KAT7: variants seen among roughly 807,000 people sequenced by gnomAD.
The protein encoded by KAT7 is lysine acetyltransferase 7, also known as histone acetyltransferase KAT7.
In KAT7, 10 loss-of-function variants were observed where a neutral mutation model predicts 82.1. The observed-to-expected ratio is 0.12, with a 90% confidence interval of 0.08 to 0.21. The LOEUF (loss-of-function observed/expected upper bound fraction) is 0.21, where lower values mean the gene tolerates loss of function less well. KAT7 is among the 10% of genes least tolerant of loss of function. KAT7 has a pLI of 1.00. For synonymous variants in KAT7, 250 were observed against 262.5 expected (o/e 0.95, Z 0.46); for missense variants, 378 against 760.9 (o/e 0.50, Z 5.92).
At chr17:49,793,690 C>T (rs1299616934) in intron 2 of KAT7, among the ~76,000 whole-genome samples, 2 of 151,436 alleles carry the variant, frequency 1.3e-5, no homozygotes, top group African/African-American at 2.4e-5. Flanking sequence ...TCTCCTGCCT[C>T]AGCCTGCAAG....
chr17:49,817,758 C>T (rs922315554), intron 8 of KAT7, 62 bp from the exon 9 acceptor site: 21 of 1,389,394 alleles, frequency 1.5e-5, no homozygotes, highest in Non-Finnish European at 1.9e-5. Context: ...CCACTGTGCC[C>T]TGTCTAAAAG....
chr17:49,792,030 C>A lies in KAT7; in HGVS notation c.160C>A (p.Gln54Lys). The A allele has an allele frequency of 6.2e-7, 1 of 1,613,524 alleles. No individual in the cohort carries two copies. The highest frequency in any genetic ancestry group is 8.5e-7 in the Non-Finnish European group (1 of 1,179,706). ...CTCAGCCAGGCTAAGCCAGAGTTCTCAAGGTAAAAAAACCTTCATTTTTCC... is the reference window on the plus strand; with the variant it reads ...CTCAGCCAGGCTAAGCCAGAGTTCTAAAGGTAAAAAAACCTTCATTTTTCC... ...RSSARLSQSS[Q>K]DSSPVRNLQS... Residue 54 changes from glutamine (Q) to lysine (K), a missense_variant, in exon 2 of 15, where the codon CAA becomes AAA. This residue lies in a region of KAT7 where 161 missense variants were observed against 229.6 expected (regional missense o/e 0.70). Coordinates refer to ENST00000259021, the MANE Select transcript of KAT7 (RefSeq NM_007067.5).
At chr17:49,806,171 T>A (rs2074089482) in intron 5 of KAT7, among the ~76,000 whole-genome samples, 1 of 152,208 alleles carries the variant, frequency 6.6e-6, no homozygotes, top group Admixed American at 6.5e-5. Context: ...ATTATTGTTG[T>A]TTTTGTTGTT....
rs1190969733 is a variant in KAT7, at chr17:49,831,494, G to C, written c.*3992G>C. The C allele has an allele frequency of 1.3e-5, 2 of 152,124 alleles. No homozygotes were observed. 9.4% of individuals were successfully genotyped at this position (152,124 alleles called of 1,614,324 possible). On this transcript the variant is annotated 3_prime_UTR_variant, in exon 15 of 15. Coordinates refer to ENST00000259021, the MANE Select transcript of KAT7 (RefSeq NM_007067.5). The stretch of plus-strand genomic sequence containing the variant: ...TGGATATTATAGTCTTCTTCTAGAT[G>C]AAAAATTGAGGCTCATAGTGGTCTT...
chr17:49,810,885 G>C (rs546790493), intron 6 of KAT7, among the ~76,000 whole-genome samples: 1 of 152,074 alleles, frequency 6.6e-6, no homozygotes, highest in Non-Finnish European at 1.5e-5. Context: ...TGTAGTCCCA[G>C]TTACATGGAA....
At chr17:49,789,914 C>G (rs2073863345) in intron 1 of KAT7, 2 of 151,934 alleles carry the variant, frequency 1.3e-5, no homozygotes, top group Admixed American at 1.3e-4. Context: ...AGCTGAGTTC[C>G]AGGATCAAGC....
In KAT7 at chr17:49,833,825, T is replaced by A. The variant is rs984320824; in HGVS notation, c.*6323T>A. 13 of 152,094 alleles carry A rather than the reference T, an allele frequency of 8.5e-5. No homozygotes were observed. Among genetic ancestry groups the A allele is most frequent in the African/African-American group, 3.1e-4 (13 of 41,404 alleles). 9.4% of individuals were successfully genotyped at this position (152,094 alleles called of 1,614,324 possible). ...ATGAGAATACTGTTTTAACCACACG[T>A]TTTGGAATGGTTTGATACATGGCAA... On this transcript the variant is annotated 3_prime_UTR_variant, in exon 15 of 15. Coordinates refer to ENST00000259021, the MANE Select transcript of KAT7 (RefSeq NM_007067.5).
Position 49,831,006 on chromosome 17 carries a change from A to G in KAT7, c.*3504A>G, listed in dbSNP as rs540376933. On this transcript the variant is annotated 3_prime_UTR_variant, in exon 15 of 15. Coordinates refer to ENST00000259021, the MANE Select transcript of KAT7 (RefSeq NM_007067.5). ...AGGACTGATTTTTAAGCCAGCTGTG[A>G]TAGCTCTGTAATAGTCTGTAATCTC... is the stretch of plus-strand genomic sequence containing the variant. 6.6e-6 allele frequency: 1 copy of G among 152,320 alleles called. No individual in the cohort carries two copies. The highest frequency in any genetic ancestry group is 2.1e-4 in the South Asian group (1 of 4,824). The allele number at this position is 152,320 out of a possible 1,614,324, so 9.4% of individuals were successfully genotyped here.
chr17:49,792,987 G>GT (rs1442649201), intron 2 of KAT7, among the ~76,000 whole-genome samples: 2 of 151,790 alleles, frequency 1.3e-5, no homozygotes, highest in South Asian at 2.1e-4. Flanking sequence ...AGTTTTCTTT[G>GT]TTTTTTGTAG....
In KAT7 at chr17:49,821,338, C is replaced by T; in HGVS notation, c.1157C>T (p.Ala386Val). Reference sequence around the variant, plus strand: ...GATGTGAATTTCATTGTCTTGCAGGCCAAATGTGTGTGGAAACACCCACCT... The same window carrying T: ...GATGTGAATTTCATTGTCTTGCAGGTCAAATGTGTGTGGAAACACCCACCT... Reference protein sequence around the residue: ...KSQTILRRHMAKCVWKHPPGD... With the variant: ...KSQTILRRHMVKCVWKHPPGD... Residue 386 changes from alanine (A) to valine (V), a missense_variant and splice_region_variant, in exon 10 of 15, where the codon GCC becomes GTC. Transcript: ENST00000259021. The T allele has an allele frequency of 6.2e-7, 1 of 1,612,508 alleles. No homozygotes were observed. Among genetic ancestry groups the T allele is most frequent in the Non-Finnish European group, 8.5e-7 (1 of 1,178,932 alleles).
At position 49,796,868 on chromosome 17, in the gene KAT7, T is replaced by C; in HGVS notation, c.282T>C (p.Leu94=). The change falls in exon 3 of 15, where the codon CTT becomes CTC. Residue 94 remains leucine, a synonymous_variant. Transcript: ENST00000259021. ...CAGTGACACCGAAAAAATACCCTCT[T>C]CGGCAGACTCGTTCATCTGGTTCAG... ...PTPVTPKKYP[L]RQTRSSGSET... 1 of 1,614,160 alleles carries C rather than the reference T, an allele frequency of 6.2e-7. No individual in the cohort carries two copies. The highest frequency in any genetic ancestry group is 1.3e-5 in the African/African-American group (1 of 75,032).
chr17:49,799,791 T>C (rs2074000223), intron 4 of KAT7, among the ~76,000 whole-genome samples: 1 of 151,466 alleles, frequency 6.6e-6, no homozygotes, highest in African/African-American at 2.4e-5. Flanking sequence ...GCCTCCCAAG[T>C]AGCTGGGACT....
chr17:49,796,765 G>A lies in KAT7; in HGVS notation c.179G>A (p.Arg60Gln), dbSNP rs375311893. Residue 60 changes from arginine (R) to glutamine (Q), a missense_variant, in exon 3 of 15, where the codon CGA (arginine) becomes CAA (glutamine). Around this residue, in one of 6 missense-constraint regions of KAT7, gnomAD observed 161 missense variants for 229.6 expected, o/e 0.70. Coordinates refer to ENST00000259021, the MANE Select transcript of KAT7 (RefSeq NM_007067.5). ...TTGGGATCAGATTCCAGTCCTGTTC[G>A]AAATCTGCAGTCTTTTGGCACTGAG... Reference protein sequence around the residue: ...SQSSQDSSPVRNLQSFGTEEP... With the variant: ...SQSSQDSSPVQNLQSFGTEEP... 5 of 1,603,896 alleles carry A rather than the reference G, an allele frequency of 3.1e-6. No homozygotes were observed. The highest frequency in any genetic ancestry group is 3.4e-6 in the Non-Finnish European group (4 of 1,173,900).
intron 8 of KAT7, 133 bp from the exon 9 acceptor site, chr17:49,817,687 G>A (rs1033081156): frequency 4.7e-5 from 30 of 640,012 alleles, no homozygotes; most frequent in African/African-American, 1.3e-4. Context: ...GGCTGGTCTC[G>A]AACTCCTGGC....
At position 49,821,911 on chromosome 17, in the gene KAT7, C is replaced by T. The variant is rs943641870; in HGVS notation, c.1386+121C>T. On this transcript the variant is annotated intron_variant, in intron 11 of 14. Transcript: ENST00000259021. ...CTCTGGGCAATGATGACACCCCTTC[C>T]TTAAATTAAAAAAAAAAAAAAGGCA... 2.4e-5 allele frequency: 19 copies of T among 799,316 alleles called. No homozygotes were observed. In the African/African-American group the frequency reaches 3.2e-4, roughly 14 times the overall value. The allele number at this position is 799,316 out of a possible 1,614,324, so 49.5% of individuals were successfully genotyped here. A position where few individuals can be genotyped will look rare whatever the true frequency, so the allele number is the denominator to read the frequency against.
At chr17:49,806,232 T>G (rs2074090140) in intron 5 of KAT7, among the ~76,000 whole-genome samples, 1 of 152,234 alleles carries the variant, frequency 6.6e-6, no homozygotes, top group Admixed American at 6.5e-5. Flanking sequence ...TGAGCCAATT[T>G]CATTGTGAGG....
intron 4 of KAT7, among the ~76,000 whole-genome samples, chr17:49,800,253 C>T (rs908016425): frequency 5.3e-5 from 8 of 151,778 alleles, no homozygotes; most frequent in Admixed American, 1.3e-4. Flanking sequence ...CCTCGTGATC[C>T]GCCCGCCTTG....
chr17:49,808,350 C>T (rs930337520), intron 5 of KAT7, among the ~76,000 whole-genome samples: 1 of 151,390 alleles, frequency 6.6e-6, no homozygotes, highest in Non-Finnish European at 1.5e-5. Flanking sequence ...GAACTCCTGG[C>T]CTCAAGTGAT....
chr17:49,826,255 A>G (rs1280161418), intron 13 of KAT7, 109 bp downstream of exon 13: 8 of 1,080,102 alleles, frequency 7.4e-6, no homozygotes, highest in Non-Finnish European at 1.1e-5. Flanking sequence ...AATATGGACC[A>G]CTGCGGAGAC....
Sources: allele counts gnomAD v4.1 joint callset (sites outside exome capture counted in the v4.1 genomes callset), GRCh38; gene constraint gnomAD v4.1.1; regional missense constraint gnomAD v4.1.1; transcripts MANE v1.5; gene names NCBI Gene and HGNC (gene_info 2026-07-23, HGNC 2026-07-21).